The following ATPSCKMT variants were observed in gnomAD, a reference collection of about 807,000 sequenced individuals.
The protein encoded by ATPSCKMT is ATP synthase c subunit lysine N-methyltransferase.
A neutral mutation model predicts 24.3 loss-of-function variants in ATPSCKMT; 24 were observed. The ratio of observed to expected loss-of-function variants is 0.99; its 90% CI spans 0.71 to 1.39. The LOEUF (loss-of-function observed/expected upper bound fraction) is 1.39, where lower values mean the gene tolerates loss of function less well. Among genes scored for constraint, ATPSCKMT ranks in the 40% most tolerant of loss-of-function variants. The pLI is 0.00. For synonymous variants in ATPSCKMT, 95 were observed against 110.5 expected, an observed-to-expected ratio of 0.86 and a Z score of 0.88; for missense variants, 311 against 298.4, an observed-to-expected ratio of 1.04 and a Z score of -0.31.
At chr5:10,238,188 G>A (rs78221468) in intron 2 of ATPSCKMT, among the ~76,000 whole-genome samples, 1,950 of 152,172 alleles carry the variant, frequency 0.013, 46 homozygotes, top group African/African-American at 0.045. Context: ...ATGGTGGCAC[G>A]GCAACGTGAA....
At chr5:10,233,832 C>T (rs960691717) in intron 4 of ATPSCKMT, among the ~76,000 whole-genome samples, 4 of 152,134 alleles carry the variant, frequency 2.6e-5, no homozygotes, top group South Asian at 2.1e-4. Context: ...CATTTTAGAA[C>T]GAAAGCCCAA....
chr5:10,231,053 T>G (rs887091239), intron 4 of ATPSCKMT, among the ~76,000 whole-genome samples: 25 of 152,172 alleles, frequency 1.6e-4, no homozygotes, highest in African/African-American at 5.6e-4. Context: ...ATGCCCATGC[T>G]GACTTTCCCA....
At chr5:10,238,661 C>T (rs528113273) in intron 2 of ATPSCKMT, among the ~76,000 whole-genome samples, 1 of 152,268 alleles carries the variant, frequency 6.6e-6, no homozygotes, top group South Asian at 2.1e-4. Context: ...TCTGTATTAC[C>T]CCAGGAATTA....
chr5:10,227,755 CT>C, intron 4 of ATPSCKMT, 108 bp from the exon 5 acceptor site: 1 of 1,013,708 alleles, frequency 9.9e-7, no homozygotes, highest in Non-Finnish European at 1.5e-6. Flanking sequence ...AAAATTACTA[CT>C]TGTTAAAAAG....
At chr5:10,238,614 C>T (rs993311484) in intron 2 of ATPSCKMT, among the ~76,000 whole-genome samples, 1 of 152,186 alleles carries the variant, frequency 6.6e-6, no homozygotes, top group Non-Finnish European at 1.5e-5. Context: ...GACTGATCTT[C>T]GGCTTAGTGA....
chr5:10,228,113 G>A (rs144014981), intron 4 of ATPSCKMT, among the ~76,000 whole-genome samples: 5,369 of 152,248 alleles, frequency 0.035, 107 homozygotes, highest in Middle Eastern at 0.048. Flanking sequence ...CCAAAGTGCT[G>A]GGATGACAGG....
intron 2 of ATPSCKMT, chr5:10,236,827 A>G (rs1008660831): frequency 6.7e-7 from 1 of 1,487,342 alleles, no homozygotes; most frequent in East Asian, 2.6e-5. Flanking sequence ...TTGATTGGTT[A>G]AAGACTTCAC....
intron 1 of ATPSCKMT, among the ~76,000 whole-genome samples, chr5:10,241,651 A>C (rs1004082103): frequency 1.3e-5 from 2 of 152,244 alleles, no homozygotes; most frequent in Admixed American, 1.3e-4. Flanking sequence ...AAAGAAAATT[A>C]ACTTTAAGAA....
At chr5:10,249,752 C>A (rs1252727088) in intron 1 of ATPSCKMT, 106 bp downstream of exon 1, 5 of 1,467,380 alleles carry the variant, frequency 3.4e-6, no homozygotes, top group South Asian at 2.8e-5. Flanking sequence ...GCCGCCCGCA[C>A]CCGGTCACCG....
chr5:10,228,896 T>G (rs919697472), intron 4 of ATPSCKMT, among the ~76,000 whole-genome samples: 1 of 152,082 alleles, frequency 6.6e-6, no homozygotes, highest in African/African-American at 2.4e-5. Flanking sequence ...TCTCAAAGTG[T>G]TGGGACTACA....
At chr5:10,231,196 G>C (rs924570375) in intron 4 of ATPSCKMT, among the ~76,000 whole-genome samples, 5 of 152,100 alleles carry the variant, frequency 3.3e-5, no homozygotes, top group African/African-American at 9.7e-5. Context: ...AGTAACTTGG[G>C]CCAACACGCT....
intron 1 of ATPSCKMT, 117 bp downstream of exon 1, chr5:10,249,741 A>G: frequency 6.9e-7 from 1 of 1,443,556 alleles, no homozygotes; most frequent in Non-Finnish European, 9.2e-7. Flanking sequence ...AGGCCAGAGC[A>G]GCCGCCCGCA....
chr5:10,233,905 T>A (rs946843895), intron 4 of ATPSCKMT, among the ~76,000 whole-genome samples: 5 of 152,248 alleles, frequency 3.3e-5, no homozygotes, highest in African/African-American at 9.6e-5. Flanking sequence ...ATCAGTTTTT[T>A]AAAAATGACC....
intron 4 of ATPSCKMT, among the ~76,000 whole-genome samples, chr5:10,234,091 G>A (rs1744269914): frequency 6.6e-6 from 1 of 152,210 alleles, no homozygotes; most frequent in Non-Finnish European, 1.5e-5. Flanking sequence ...ACTTTGGGAG[G>A]CCGAAGCAGG....
chr5:10,246,344 A>G (rs1014117613), intron 1 of ATPSCKMT, among the ~76,000 whole-genome samples: 1 of 152,090 alleles, frequency 6.6e-6, no homozygotes, highest in Non-Finnish European at 1.5e-5. Flanking sequence ...TGGGGGCAAG[A>G]GAATCACCTG....
chr5:10,232,646 T>C (rs1744201107), intron 4 of ATPSCKMT, among the ~76,000 whole-genome samples: 1 of 152,052 alleles, frequency 6.6e-6, no homozygotes, highest in African/African-American at 2.4e-5. Context: ...GAGACCACAG[T>C]CAGAAGGAAG....
Position 10,227,233 on chromosome 5 carries a change from A to T in ATPSCKMT, c.*208T>A. 1 of 573,158 alleles carries T rather than the reference A, an allele frequency of 1.7e-6. No homozygotes were observed. The highest frequency in any genetic ancestry group is 3.1e-6 in the Non-Finnish European group (1 of 326,424). 35.5% of individuals were successfully genotyped at this position (573,158 alleles called of 1,614,324 possible). On this transcript the variant is annotated 3_prime_UTR_variant, in exon 5 of 5. Coordinates refer to ENST00000511437, the MANE Select transcript of ATPSCKMT (RefSeq NM_199133.4). The stretch of plus-strand genomic sequence containing the variant: ...GCATCCAGGTGCATGGAAAGGCAGT[A>T]AGTACAATTTTTAAGAAAATAGCAT...
intron 4 of ATPSCKMT, among the ~76,000 whole-genome samples, chr5:10,234,376 A>C (rs556984720): frequency 6.6e-6 from 1 of 152,354 alleles, no homozygotes; most frequent in Non-Finnish European, 1.5e-5. Context: ...ATATTTTAAA[A>C]GTAAAGAATA....
In ATPSCKMT at chr5:10,236,527, C is replaced by T. The variant is rs755794666; in HGVS notation, c.395G>A (p.Arg132Gln). The T allele has an allele frequency of 3.1e-6, 5 of 1,614,204 alleles. No homozygotes were observed. The highest frequency in any genetic ancestry group is 2.2e-5 in the East Asian group (1 of 44,888). Residue 132 changes from arginine to glutamine, a missense_variant, in exon 3 of 5, where the codon CGA becomes CAA. Coordinates refer to ENST00000511437, the MANE Select transcript of ATPSCKMT (RefSeq NM_199133.4). ...LVWYSRYRAW[R>Q]EGVHGSAKFY... is the part of the protein sequence containing the mutation. ...TTTGGCAGATCCATGCACACCTTCT[C>T]GCCAAGCGCGGTATCTGGAATACCA... is the stretch of plus-strand genomic sequence containing the variant.
Sources: gnomAD v4.1 joint callset for allele counts (sites outside exome capture counted in the v4.1 genomes callset) on GRCh38, gnomAD v4.1.1 for gene constraint, MANE v1.5 for transcripts, NCBI Gene and HGNC (gene_info 2026-07-23, HGNC 2026-07-21) for gene names.